Variants in ODAD2 observed in about 807,000 individuals in gnomAD.
The protein encoded by ODAD2 is outer dynein arm-docking complex subunit 2.
Under a neutral mutation model 106.8 loss-of-function variants are expected in ODAD2, and 89 were observed. The observed-to-expected ratio is 0.83, with a 90% CI of 0.70 to 0.99. The LOEUF is 0.99. Ranked by LOEUF, ODAD2 falls within the 50% of genes least tolerant of loss-of-function variation. The pLI, the probability that ODAD2 is intolerant of heterozygous loss-of-function variation, is 0.00. For missense variants in ODAD2, 1,168 were observed against 1,238.5 expected (o/e 0.94, Z 0.85); for synonymous variants, 404 against 436.2 (o/e 0.93, Z 0.92).
chr10:27,868,286 TA>T (rs1230895991), intron 17 of ODAD2, among the ~76,000 whole-genome samples: 2 of 152,188 alleles, frequency 1.3e-5, no homozygotes, highest in Non-Finnish European at 2.9e-5. Flanking sequence ...CTCAAGGATC[TA>T]GAACCAGAAA....
At chr10:27,827,105 C>T (rs1010063472) in intron 19 of ODAD2, among the ~76,000 whole-genome samples, 2 of 152,084 alleles carry the variant, frequency 1.3e-5, no homozygotes, top group East Asian at 3.9e-4. Context: ...TTAAAATATT[C>T]TCTTCTCTTG....
chr10:27,837,664 C>T (rs760350019), intron 19 of ODAD2, among the ~76,000 whole-genome samples: 1 of 152,126 alleles, frequency 6.6e-6, no homozygotes, highest in Non-Finnish European at 1.5e-5. Flanking sequence ...AAAATTTAAA[C>T]GTGGGTCATA....
At chr10:27,979,393 A>G (rs927824643) in intron 7 of ODAD2, among the ~76,000 whole-genome samples, 2 of 151,602 alleles carry the variant, frequency 1.3e-5, no homozygotes, top group African/African-American at 4.8e-5. Context: ...ATTTGTATGC[A>G]GATGGCATGA....
chr10:27,817,980 G>A (rs1836270219), intron 19 of ODAD2, among the ~76,000 whole-genome samples: 1 of 151,792 alleles, frequency 6.6e-6, no homozygotes, highest in Non-Finnish European at 1.5e-5. Context: ...ATACTCACAT[G>A]GCTTTTACTG....
intron 19 of ODAD2, among the ~76,000 whole-genome samples, chr10:27,839,587 C>T (rs1309229564): frequency 1.3e-5 from 2 of 152,146 alleles, no homozygotes; most frequent in Non-Finnish European, 2.9e-5. Context: ...CCATCTAGTG[C>T]ACTTTCTTAA....
chr10:27,837,138 G>A (rs975487457), intron 19 of ODAD2, among the ~76,000 whole-genome samples: 9 of 152,278 alleles, frequency 5.9e-5, no homozygotes, highest in Admixed American at 2.0e-4. Context: ...ACCGTTAAAA[G>A]ACACCAGCAT....
intron 16 of ODAD2, among the ~76,000 whole-genome samples, chr10:27,920,020 C>T (rs771789712): frequency 4.3e-4 from 66 of 151,928 alleles, no homozygotes; most frequent in South Asian, 2.7e-3. Flanking sequence ...CAAAACTAAG[C>T]TATAGTTTAT....
intron 16 of ODAD2, among the ~76,000 whole-genome samples, chr10:27,932,289 G>A (rs921015850): frequency 6.6e-6 from 1 of 151,956 alleles, no homozygotes; most frequent in African/African-American, 2.4e-5. Context: ...CTAAAGTGTT[G>A]AAATCTCATG....
chr10:27,872,178 A>G (rs1840950870), intron 17 of ODAD2, among the ~76,000 whole-genome samples: 1 of 152,000 alleles, frequency 6.6e-6, no homozygotes. Flanking sequence ...GGTGTATAAG[A>G]ATGCTTGTGA....
intron 6 of ODAD2, among the ~76,000 whole-genome samples, chr10:27,982,294 T>C (rs1170272380): frequency 6.6e-6 from 1 of 152,194 alleles, no homozygotes; most frequent in Non-Finnish European, 1.5e-5. Context: ...TTAAACTTTG[T>C]TGTAATTATT....
chr10:27,914,308 T>C (rs1400388917), intron 16 of ODAD2, among the ~76,000 whole-genome samples: 1 of 152,154 alleles, frequency 6.6e-6, no homozygotes, highest in African/African-American at 2.4e-5. Context: ...CTTTCCATTT[T>C]AAAGATGCCA....
chr10:27,910,742 G>A (rs1202969454), intron 16 of ODAD2, among the ~76,000 whole-genome samples: 2 of 152,006 alleles, frequency 1.3e-5, no homozygotes, highest in African/African-American at 4.8e-5. Context: ...GGATGACAGA[G>A]CCAGACCCTG....
chr10:27,852,710 C>G (rs1047981802), intron 19 of ODAD2, among the ~76,000 whole-genome samples: 1 of 152,138 alleles, frequency 6.6e-6, no homozygotes, highest in Non-Finnish European at 1.5e-5. Context: ...CCCATAATCC[C>G]AGCACTTTGG....
chr10:27,855,904 T>C (rs1839620015), intron 19 of ODAD2, among the ~76,000 whole-genome samples: 1 of 152,206 alleles, frequency 6.6e-6, no homozygotes, highest in African/African-American at 2.4e-5. Context: ...TTGCCTGGTA[T>C]AGACATTTGC....
intron 4 of ODAD2, 74 bp from the exon 5 acceptor site, chr10:27,984,364 G>C (rs1849743775): frequency 2.0e-6 from 2 of 986,808 alleles, no homozygotes; most frequent in Admixed American, 4.4e-5. Flanking sequence ...ACATTTCATT[G>C]TATCAGGAGA....
chr10:27,979,442 C>A (rs201180724), intron 7 of ODAD2, among the ~76,000 whole-genome samples: 6 of 122,550 alleles, frequency 4.9e-5, no homozygotes, highest in Admixed American at 3.4e-4. Context: ...ACACACACAC[C>A]CATACACACA....
chr10:27,844,878 G>A (rs965672141), intron 19 of ODAD2, among the ~76,000 whole-genome samples: 1 of 152,182 alleles, frequency 6.6e-6, no homozygotes, highest in Non-Finnish European at 1.5e-5. Context: ...GAAGGAGTTG[G>A]ATTTGACTTA....
chr10:27,863,264 A>C (rs149540369), intron 17 of ODAD2, among the ~76,000 whole-genome samples: 1,714 of 152,286 alleles, frequency 0.011, 31 homozygotes, highest in African/African-American at 0.038. Context: ...GCACCTCAGC[A>C]CCACATCTGG....
intron 17 of ODAD2, among the ~76,000 whole-genome samples, chr10:27,881,982 A>G (rs1465867738): frequency 6.6e-6 from 1 of 151,946 alleles, no homozygotes; most frequent in Non-Finnish European, 1.5e-5. Flanking sequence ...ACTCGACAAC[A>G]TGGTGAAACC....
Sources: gnomAD v4.1 joint callset for allele counts (sites outside exome capture counted in the v4.1 genomes callset) on GRCh38, gnomAD v4.1.1 for gene constraint, MANE v1.5 for transcripts, NCBI Gene and HGNC (gene_info 2026-07-23, HGNC 2026-07-21) for gene names.